IL23A: variants seen among roughly 807,000 people sequenced by gnomAD.
IL23A encodes interleukin 23 subunit alpha, also known as interleukin-23 subunit alpha.
A neutral mutation model predicts 20.7 loss-of-function variants in IL23A; 16 were observed. The observed-to-expected ratio is 0.77, with a 90% CI of 0.52 to 1.17. IL23A has a LOEUF of 1.17. Among genes scored for constraint, IL23A ranks in the 50% most tolerant of loss-of-function variants. IL23A has a pLI of 0.00. For synonymous variants in IL23A, 80 were observed against 88.7 expected (o/e 0.90, Z 0.55); for missense variants, 175 against 229.5 (o/e 0.76, Z 1.53).
intron 1 of IL23A, 94 bp downstream of exon 1, chr12:56,339,300 G>A: frequency 7.1e-7 from 1 of 1,416,950 alleles, no homozygotes; most frequent in African/African-American, 1.4e-5. Context: ...AGGGTTGAAG[G>A]CCATTAGGGA....
Position 56,338,925 on chromosome 12 carries a change from C to T in IL23A, c.-120C>T. 2 of 827,000 alleles carry T rather than the reference C, an allele frequency of 2.4e-6. No homozygotes were observed. The highest frequency in any genetic ancestry group is 1.7e-6 in the Non-Finnish European group (1 of 601,846). The allele number at this position is 827,000 out of a possible 1,614,324, so 51.2% of individuals were successfully genotyped here. ...CAAACTCGGTGAACAACTGAGGGAA[C>T]CAAACCAGAGACGCGCTGAACAGAG... On this transcript the variant is annotated 5_prime_UTR_variant, in exon 1 of 4. Transcript: ENST00000228534.
chr12:56,339,838 G>A lies in IL23A; in HGVS notation c.408+1G>A. On this transcript the variant is annotated splice_donor_variant, in intron 3 of 3. Transcript: ENST00000228534. LOFTEE classifies it high-confidence loss of function. The stretch of plus-strand genomic sequence containing the variant: ...ACTGGGCCTCAGCCAACTCCTGCAG[G>A]TATGAAGTAGGGGCGTGGAGGATGG... The A allele has an allele frequency of 6.2e-7, 1 of 1,612,482 alleles. No homozygotes were observed. Among genetic ancestry groups the A allele is most frequent in the Non-Finnish European group, 8.5e-7 (1 of 1,179,156 alleles).
Position 56,340,335 on chromosome 12 carries a change from C to T in IL23A, c.*231C>T, listed in dbSNP as rs1373682631. ...TGGGGATTATTTATCCTCCTGGGGA[C>T]AGTTTGGGGAGGATTATTTATTGTA... On this transcript the variant is annotated 3_prime_UTR_variant, in exon 4 of 4. Transcript: ENST00000228534. 4 of 513,012 alleles carry T rather than the reference C, an allele frequency of 7.8e-6. No homozygotes were observed. Among genetic ancestry groups the T allele is most frequent in the Non-Finnish European group, 1.0e-5 (3 of 290,640 alleles). The allele number at this position is 513,012 out of a possible 1,614,324, so 31.8% of individuals were successfully genotyped here.
At position 56,340,131 on chromosome 12, in the gene IL23A, G is replaced by T; in HGVS notation, c.*27G>T. On this transcript the variant is annotated 3_prime_UTR_variant, in exon 4 of 4. Transcript: ENST00000228534. ...GGCAGCAGCTCAAGGATGGCACTCA[G>T]ATCTCCATGGCCCAGCAAGGCCAAG... is the stretch of plus-strand genomic sequence containing the variant. The T allele has an allele frequency of 6.2e-7, 1 of 1,609,490 alleles. No individual in the cohort carries two copies.
chr12:56,339,358 A>T, intron 1 of IL23A, 68 bp from the exon 2 acceptor site: 1 of 1,392,626 alleles, frequency 7.2e-7, no homozygotes, highest in African/African-American at 1.4e-5. Flanking sequence ...CATGGGCCTG[A>T]GGGTCCAGGT....
rs756835874 is a variant in IL23A at position 56,339,766 on chromosome 12, C to A, written c.337C>A (p.Pro113Thr). The change falls in exon 3 of 4, where the codon CCT becomes ACT. Residue 113 changes from proline to threonine, a missense_variant. By Grantham distance (38) the Pro-to-Thr change is conservative (BLOSUM62 -1). Transcript: ENST00000228534. ...AGGATCGGATATTTTCACAGGGGAG[C>A]CTTCTCTGCTCCCTGATAGCCCTGT... is the stretch of plus-strand genomic sequence containing the variant. ...LLGSDIFTGE[P>T]SLLPDSPVGQ... The A allele has an allele frequency of 6.2e-7, 1 of 1,614,046 alleles. No individual in the cohort carries two copies. The highest frequency in any genetic ancestry group is 8.5e-7 in the Non-Finnish European group (1 of 1,179,972).
chr12:56,339,663 CT>C (rs1221165118), intron 2 of IL23A, 27 bp from the exon 3 acceptor site: 2 of 1,610,150 alleles, frequency 1.2e-6, no homozygotes, highest in African/African-American at 2.7e-5. Flanking sequence ...AGAGGGTGTC[CT>C]CTTTCATTGC....
chr12:56,340,158 T>A lies in IL23A; in HGVS notation c.*54T>A, dbSNP rs200711189. 5 of 1,572,060 alleles carry A rather than the reference T, an allele frequency of 3.2e-6. No homozygotes were observed. The South Asian group carries it at 5.7e-5, about 18-fold the overall frequency. Reference sequence around the variant, plus strand: ...TCTCCATGGCCCAGCAAGGCCAAGATAAATCTACCACCCCAGGCACCTGTG... The same window carrying A: ...TCTCCATGGCCCAGCAAGGCCAAGAAAAATCTACCACCCCAGGCACCTGTG... On this transcript the variant is annotated 3_prime_UTR_variant, in exon 4 of 4. Coordinates refer to ENST00000228534, the MANE Select transcript of IL23A (RefSeq NM_016584.3).
At position 56,340,348 on chromosome 12, in the gene IL23A, A is replaced by C. The variant is rs201624389; in HGVS notation, c.*244A>C. ...TCCTCCTGGGGACAGTTTGGGGAGGATTATTTATTGTATTTATATTGAATT... is the reference window on the plus strand; with the variant it reads ...TCCTCCTGGGGACAGTTTGGGGAGGCTTATTTATTGTATTTATATTGAATT... On this transcript the variant is annotated 3_prime_UTR_variant, in exon 4 of 4. Coordinates refer to ENST00000228534, the MANE Select transcript of IL23A (RefSeq NM_016584.3). 2.2e-6 allele frequency: 1 copy of C among 452,694 alleles called. No individual in the cohort carries two copies. Among genetic ancestry groups the C allele is most frequent in the Non-Finnish European group, 3.9e-6 (1 of 255,722 alleles). The allele number at this position is 452,694 out of a possible 1,614,324, so 28.0% of individuals were successfully genotyped here. A position where few individuals can be genotyped will look rare whatever the true frequency, so the allele number is the denominator to read the frequency against.
rs1876451713 is a variant in IL23A, at chr12:56,340,264, C to CT, written c.*161dup. ...TACCAATACTGACTGACATGTGATGCTGACCTATGATAAGGTTGAGTATTT... is the reference window on the plus strand; with the variant it reads ...TACCAATACTGACTGACATGTGATGCTTGACCTATGATAAGGTTGAGTATTT... On this transcript the variant is annotated 3_prime_UTR_variant, in exon 4 of 4. Transcript: ENST00000228534. 2 of 692,546 alleles carry CT rather than the reference C, an allele frequency of 2.9e-6. No homozygotes were observed. The highest frequency in any genetic ancestry group is 3.9e-5 in the South Asian group (2 of 51,280). The allele number at this position is 692,546 out of a possible 1,614,324, so 42.9% of individuals were successfully genotyped here.
chr12:56,339,675 TTTC>T lies in IL23A; in HGVS notation c.262-13_262-11del, dbSNP rs896540334. On this transcript the variant is annotated splice_polypyrimidine_tract_variant and intron_variant, in intron 2 of 3. Coordinates refer to ENST00000228534, the MANE Select transcript of IL23A (RefSeq NM_016584.3). ...GGAAGAGGGTGTCCTCTTTCATTGC[TTTC>T]TTTTCTCCCTAGTTCTGCTTGCAAA... 3.1e-6 allele frequency: 5 copies of T among 1,611,594 alleles called. No individual in the cohort carries two copies. Among genetic ancestry groups the T allele is most frequent in the Non-Finnish European group, 4.2e-6 (5 of 1,178,850 alleles).
In IL23A at chr12:56,340,226, A is replaced by AT; in HGVS notation, c.*123dup. 1 of 959,318 alleles carries AT rather than the reference A, an allele frequency of 1.0e-6. No individual in the cohort carries two copies. The highest frequency in any genetic ancestry group is 2.5e-5 in the East Asian group (1 of 39,304). 59.4% of individuals were successfully genotyped at this position (959,318 alleles called of 1,614,324 possible). On this transcript the variant is annotated 3_prime_UTR_variant, in exon 4 of 4. Coordinates refer to ENST00000228534, the MANE Select transcript of IL23A (RefSeq NM_016584.3). ...GTCCATTAATTTTAGTGGGACCTGC[A>AT]TATGTTGAAAATTACCAATACTGAC...
chr12:56,339,935 C>T lies in IL23A; in HGVS notation c.409-8C>T, dbSNP rs1459633554. The stretch of plus-strand genomic sequence containing the variant: ...AGTCTTCTCTGACTGTGTCCTATGT[C>T]CTTTCAGCCTGAGGGTCACCACTGG... On this transcript the variant is annotated splice_polypyrimidine_tract_variant and splice_region_variant and intron_variant, in intron 3 of 3. Transcript: ENST00000228534. 3.1e-6 allele frequency: 5 copies of T among 1,614,006 alleles called. No homozygotes were observed. Among genetic ancestry groups the T allele is most frequent in the Middle Eastern group, 1.6e-4 (1 of 6,062 alleles).
Position 56,340,015 on chromosome 12 carries a change from C to T in IL23A, c.481C>T (p.Leu161Phe), listed in dbSNP as rs1303662649. The change falls in exon 4 of 4, where the codon CTC (leucine) becomes TTC (phenylalanine). Residue 161 changes from leucine to phenylalanine, a missense_variant. By Grantham distance (22) the Leu-to-Phe change is conservative. Coordinates refer to ENST00000228534, the MANE Select transcript of IL23A (RefSeq NM_016584.3). ...SPSQPWQRLL[L>F]RFKILRSLQA... ...CAGCCAGCCATGGCAGCGTCTCCTT[C>T]TCCGCTTCAAAATCCTTCGCAGCCT... 2 of 1,614,110 alleles carry T rather than the reference C, an allele frequency of 1.2e-6. No individual in the cohort carries two copies. The highest frequency in any genetic ancestry group is 1.7e-6 in the Non-Finnish European group (2 of 1,180,052).
chr12:56,340,088 C>T lies in IL23A; in HGVS notation c.554C>T (p.Ala185Val). 1 of 1,614,150 alleles carries T rather than the reference C, an allele frequency of 6.2e-7. No individual in the cohort carries two copies. The highest frequency in any genetic ancestry group is 1.3e-5 in the African/African-American group (1 of 75,050). ...GCCCGGGTCTTTGCCCATGGAGCAG[C>T]AACCCTGAGTCCCTAAAGGCAGCAG... is the stretch of plus-strand genomic sequence containing the variant. ...VAARVFAHGA[A>V]TLSP The change falls in exon 4 of 4, where the codon GCA (alanine) becomes GTA (valine). Residue 185 changes from alanine (A) to valine (V), a missense_variant. Coordinates refer to ENST00000228534, the MANE Select transcript of IL23A (RefSeq NM_016584.3).
In IL23A at chr12:56,340,366, A is replaced by G; in HGVS notation, c.*262A>G. On this transcript the variant is annotated 3_prime_UTR_variant, in exon 4 of 4. Coordinates refer to ENST00000228534, the MANE Select transcript of IL23A (RefSeq NM_016584.3). Reference sequence around the variant, plus strand: ...GGGGAGGATTATTTATTGTATTTATATTGAATTATGTACTTTTTTCAATAA... The same window carrying G: ...GGGGAGGATTATTTATTGTATTTATGTTGAATTATGTACTTTTTTCAATAA... 5.0e-6 allele frequency: 2 copies of G among 399,946 alleles called. No homozygotes were observed. The highest frequency in any genetic ancestry group is 8.9e-6 in the Non-Finnish European group (2 of 223,840). The allele number at this position is 399,946 out of a possible 1,614,324, so 24.8% of individuals were successfully genotyped here.
chr12:56,339,163 TCTGCACA>T lies in IL23A; in HGVS notation c.123_129del (p.Cys41TrpfsTer8). 6.3e-7 allele frequency: 1 copy of T among 1,575,528 alleles called. No homozygotes were observed. Among genetic ancestry groups the T allele is most frequent in the Non-Finnish European group, 8.6e-7 (1 of 1,158,352 alleles). On this transcript the variant is annotated frameshift_variant, in exon 1 of 4. Coordinates refer to ENST00000228534, the MANE Select transcript of IL23A (RefSeq NM_016584.3). LOFTEE classifies it high-confidence loss of function. ...CAGTGCCAGCAGCTTTCACAGAAGC[TCTGCACA>T]CTGGCCTGGAGTGCACATCCACTAG...
Position 56,339,426 on chromosome 12 carries a change from G to C in IL23A, c.163G>C (p.Asp55His). 1 of 1,599,670 alleles carries C rather than the reference G, an allele frequency of 6.3e-7. No homozygotes were observed. The highest frequency in any genetic ancestry group is 8.6e-7 in the Non-Finnish European group (1 of 1,166,910). Residue 55 changes from aspartate (D) to histidine (H), a missense_variant and splice_region_variant, in exon 2 of 4, where the codon GAT becomes CAT. Asp to His is a moderately conservative substitution (Grantham distance 81). Coordinates refer to ENST00000228534, the MANE Select transcript of IL23A (RefSeq NM_016584.3). ...WSAHPLVGHM[D>H]LREEGDEETT... is the part of the protein sequence containing the mutation. ...CTTTCCACCTCTTCCTTCATTCCAGGATCTAAGAGAAGAGGGAGATGAAGA... is the reference window on the plus strand; with the variant it reads ...CTTTCCACCTCTTCCTTCATTCCAGCATCTAAGAGAAGAGGGAGATGAAGA...
chr12:56,339,714 G>C lies in IL23A; in HGVS notation c.285G>C (p.Gln95His), dbSNP rs776502340. The C allele has an allele frequency of 6.2e-6, 10 of 1,613,996 alleles. No homozygotes were observed. Among genetic ancestry groups the C allele is most frequent in the Admixed American group, 1.7e-5 (1 of 60,002 alleles). Residue 95 changes from glutamine to histidine, a missense_variant, in exon 3 of 4, where the codon CAG becomes CAC. Coordinates refer to ENST00000228534, the MANE Select transcript of IL23A (RefSeq NM_016584.3). ...NSQFCLQRIH[Q>H]GLIFYEKLLG... ...AGTTCTGCTTGCAAAGGATCCACCA[G>C]GGTCTGATTTTTTATGAGAAGCTGC...
Sources: gnomAD v4.1 joint callset for allele counts on GRCh38, gnomAD v4.1.1 for gene constraint, MANE v1.5 for transcripts, NCBI Gene and HGNC (gene_info 2026-07-23, HGNC 2026-07-21) for gene names.